The following CCNH variants were observed in gnomAD, a reference collection of about 807,000 sequenced individuals.
CCNH encodes cyclin H.
A neutral mutation model predicts 41.9 loss-of-function variants in CCNH; 31 were observed. That is an observed-to-expected ratio of 0.74 (90% CI 0.56 to 1.00). The LOEUF is 1.00. Ranked by LOEUF, CCNH falls within the 50% of genes least tolerant of loss-of-function variation. The pLI is 0.00. For synonymous variants in CCNH, 138 were observed against 136.1 expected, an observed-to-expected ratio of 1.01 and a Z score of -0.10; for missense variants, 362 against 388.4, an observed-to-expected ratio of 0.93 and a Z score of 0.57.
At chr5:87,378,818 T>C (rs1761503625), upstream of CCNH, among the ~76,000 whole-genome samples, 1 of 152,274 alleles carries the variant, frequency 6.6e-6, no homozygotes, top group Admixed American at 6.5e-5. Flanking sequence ...ATATACTACT[T>C]ACAGAAAGCG....
At chr5:87,317,946 C>T (rs991162336), downstream of CCNH, among the ~76,000 whole-genome samples, 4 of 152,080 alleles carry the variant, frequency 2.6e-5, no homozygotes, top group Non-Finnish European at 5.9e-5. Context: ...GTTTTTCTCA[C>T]ACTCTTAAGC....
At chr5:87,388,402 G>A (rs776671955), downstream of CCNH, among the ~76,000 whole-genome samples, 72 of 152,274 alleles carry the variant, frequency 4.7e-4, no homozygotes, top group Admixed American at 3.1e-3. Context: ...AGTACAGGTT[G>A]AGTATCCCTA....
Position 87,377,011 on chromosome 5 carries a change from C to T in CCNH, n.170G>A. ...AAGCTTGAATCGTTGTTGTTATGCA[C>T]ACTAAATGACAGAGAAATAAGCATG... On this transcript the variant is annotated non_coding_transcript_exon_variant, in exon 1 of 1. Transcript: ENST00000607486. 1.9e-6 allele frequency: 3 copies of T among 1,613,718 alleles called. No individual in the cohort carries two copies. Among genetic ancestry groups the T allele is most frequent in the Non-Finnish European group, 2.5e-6 (3 of 1,179,766 alleles).
At chr5:87,333,476 T>G in intron 9 of CCNH, 1 of 1,355,868 alleles carries the variant, frequency 7.4e-7, no homozygotes, top group South Asian at 1.4e-5. Flanking sequence ...ATTGGGTCTG[T>G]TGGTCCTGTA....
At chr5:87,410,914 G>A (rs1430996734) in intron 2 of CCNH, among the ~76,000 whole-genome samples, 3 of 152,198 alleles carry the variant, frequency 2.0e-5, no homozygotes, top group South Asian at 2.1e-4. Context: ...AGTAGTCTAT[G>A]TTCTAGTCCC....
intron 9 of CCNH, among the ~76,000 whole-genome samples, chr5:87,344,607 G>A (rs1320279391): frequency 6.6e-6 from 1 of 151,640 alleles, no homozygotes; most frequent in Non-Finnish European, 1.5e-5. Flanking sequence ...GGGCTCAAGT[G>A]ATCTTCCTGC....
At chr5:87,321,740 C>G (rs1426140383) in intron 9 of CCNH, among the ~76,000 whole-genome samples, 2 of 152,198 alleles carry the variant, frequency 1.3e-5, no homozygotes, top group Non-Finnish European at 2.9e-5. Context: ...ACCTTCTTGC[C>G]CACCTTCACA....
rs1763447668 is a variant in CCNH at position 87,401,877 on chromosome 5, A to T, written c.690-105T>A. On this transcript the variant is annotated intron_variant, in intron 5 of 8. Coordinates refer to ENST00000256897, the MANE Select transcript of CCNH (RefSeq NM_001239.4). ...CATCCTCATCAAAGGCAATTAAAAAATTTTTAAATTTATGAATGTATAATC... is the reference window on the plus strand; with the variant it reads ...CATCCTCATCAAAGGCAATTAAAAATTTTTTAAATTTATGAATGTATAATC... 7 of 599,552 alleles carry T rather than the reference A, an allele frequency of 1.2e-5. No individual in the cohort carries two copies. In the South Asian group the frequency reaches 1.5e-4, roughly 13 times the overall value. 37.1% of individuals were successfully genotyped at this position (599,552 alleles called of 1,614,324 possible).
At chr5:87,328,039 C>T (rs1466858034) in intron 9 of CCNH, among the ~76,000 whole-genome samples, 1 of 151,288 alleles carries the variant, frequency 6.6e-6, no homozygotes, top group Non-Finnish European at 1.5e-5. Context: ...TTGTTTTTTA[C>T]ATTGGCATGG....
At chr5:87,392,049 T>C, downstream of CCNH, 1 of 326,906 alleles carries the variant, frequency 3.1e-6, no homozygotes, top group Middle Eastern at 1.0e-3. Context: ...GTATTTTTGC[T>C]AATGGCCTCT....
At chr5:87,356,488 C>T (rs754717186) in intron 9 of CCNH, among the ~76,000 whole-genome samples, 5 of 151,728 alleles carry the variant, frequency 3.3e-5, no homozygotes, top group Non-Finnish European at 4.4e-5. Flanking sequence ...CTCCTGGGCT[C>T]AAGCAATCCT....
upstream of CCNH, chr5:87,380,461 G>A (rs1761631435): frequency 6.7e-7 from 1 of 1,484,536 alleles, no homozygotes; most frequent in South Asian, 1.1e-5. Flanking sequence ...TAGGAGATCA[G>A]TGTTTTCACT....
chr5:87,346,885 A>C (rs575537520), intron 9 of CCNH, among the ~76,000 whole-genome samples: 1 of 152,136 alleles, frequency 6.6e-6, no homozygotes, highest in South Asian at 2.1e-4. Flanking sequence ...TTTATATTTT[A>C]AACATACATG....
downstream of CCNH, among the ~76,000 whole-genome samples, chr5:87,371,901 C>A (rs968382239): frequency 6.6e-6 from 1 of 151,914 alleles, no homozygotes; most frequent in Non-Finnish European, 1.5e-5. Context: ...AAGATTTATA[C>A]AGAATTACAA....
At chr5:87,385,516 G>C (rs1437063353) in intron 9 of CCNH, 2 of 740,030 alleles carry the variant, frequency 2.7e-6, no homozygotes, top group Admixed American at 4.6e-5. Context: ...ATTTTTGTTG[G>C]TATGTTTGTT....
downstream of CCNH, among the ~76,000 whole-genome samples, chr5:87,387,197 C>T (rs756634912): frequency 1.3e-5 from 2 of 152,122 alleles, no homozygotes; most frequent in Non-Finnish European, 1.5e-5. Flanking sequence ...GCTATCACAT[C>T]TGACTGCCAT....
intron 9 of CCNH, chr5:87,331,179 G>A (rs747890807): frequency 3.2e-6 from 3 of 937,782 alleles, no homozygotes; most frequent in South Asian, 1.4e-5. Context: ...AGTATTTTTT[G>A]AGACTGAGGT....
Position 87,404,942 on chromosome 5 carries a change from T to C in CCNH, c.591A>G (p.Arg197=), listed in dbSNP as rs1427937515. Residue 197 remains arginine, a synonymous_variant, in exon 5 of 9, where the codon AGA becomes AGG. Coordinates refer to ENST00000256897, the MANE Select transcript of CCNH (RefSeq NM_001239.4). ...AAAGGTAAGCATCCGTCAATGCAATTCTATTAAGAAAGTCATCAGCTGTTT... is the reference window on the plus strand; with the variant it reads ...AAAGGTAAGCATCCGTCAATGCAATCCTATTAAGAAAGTCATCAGCTGTTT... ...LRKTADDFLN[R]IALTDAYLLY... is the part of the protein sequence containing the mutation. The C allele has an allele frequency of 6.2e-7, 1 of 1,613,248 alleles. No homozygotes were observed. The highest frequency in any genetic ancestry group is 1.3e-5 in the African/African-American group (1 of 75,014).
chr5:87,316,435 A>G (rs971183923), downstream of CCNH, among the ~76,000 whole-genome samples: 1 of 152,238 alleles, frequency 6.6e-6, no homozygotes. Context: ...TAAATGGACA[A>G]TCACAAAAAT....
Sources: gnomAD v4.1 joint callset for allele counts (sites outside exome capture counted in the v4.1 genomes callset) on GRCh38, gnomAD v4.1.1 for gene constraint, MANE v1.5 for transcripts, NCBI Gene and HGNC (gene_info 2026-07-23, HGNC 2026-07-21) for gene names.